The following PSG6 variants were observed in gnomAD, a reference collection of about 807,000 sequenced individuals.
The protein encoded by PSG6 is pregnancy-specific beta-1-glycoprotein 6.
A neutral mutation model predicts 43.3 loss-of-function variants in PSG6; 51 were observed. The ratio of observed to expected loss-of-function variants is 1.18; its 90% CI spans 0.94 to 1.49. PSG6 has a LOEUF of 1.49. Among genes scored for constraint, PSG6 ranks in the 40% most tolerant of loss-of-function variants. PSG6 has a pLI of 0.00. For missense variants in PSG6, 770 were observed against 522.2 expected (o/e 1.47, Z -4.62); for synonymous variants, 292 against 197.6 (o/e 1.48, Z -4.01).
At position 42,914,227 on chromosome 19, in the gene PSG6, G is replaced by A. The variant is rs1164573800; in HGVS notation, c.427+1898C>T. ...CCTGGGGACATTGGCTCGAGAGGAA[G>A]CCTGGCAGGAGTGGCAACTCCAGGT... On this transcript the variant is annotated intron_variant, in intron 2 of 5. Coordinates refer to ENST00000187910, the MANE Select transcript of PSG6 (RefSeq NM_001031850.4). Among the ~76,000 whole-genome samples, 4 of 151,354 alleles carry A rather than the reference G, an allele frequency of 2.6e-5. No homozygotes were observed. The East Asian group carries it at 7.8e-4, about 29-fold the overall frequency.
intron 5 of PSG6, among the ~76,000 whole-genome samples, chr19:42,906,113 C>T (rs368169402): frequency 6.6e-6 from 1 of 151,478 alleles, no homozygotes; most frequent in Non-Finnish European, 1.5e-5. Flanking sequence ...TGGCACTGCC[C>T]CTTTCCTGCC....
At position 42,916,456 on chromosome 19, in the gene PSG6, G is replaced by T. The variant is rs763752454; in HGVS notation, c.96C>A (p.Thr32=). The change falls in exon 2 of 6, where the codon ACC becomes ACA. Residue 32 remains threonine, a synonymous_variant. Coordinates refer to ENST00000187910, the MANE Select transcript of PSG6 (RefSeq NM_001031850.4). The stretch of plus-strand genomic sequence containing the variant: ...TGGCTTCAATTATTACTTGGGCAGT[G>T]GTGGGCAGGTTCCAGAAGTTTAAAA... ...ASLLNFWNLP[T]TAQVIIEAKP... 58 of 1,611,550 alleles carry T rather than the reference G, an allele frequency of 3.6e-5. 2 individuals carry two copies. Among genetic ancestry groups the T allele is most frequent in the Non-Finnish European group, 4.2e-5 (50 of 1,178,898 alleles).
Position 42,917,741 on chromosome 19 carries a change from G to T in PSG6, c.52C>A (p.Leu18Ile). ...PCTQHITWKG[L>I]LLTASLLNFW... ...GTCCTCTCCTCACCTGTGAGCAGGA[G>T]CCCCTTCCAGGTGATGTGCTGAGTG... The change falls in exon 1 of 6, where the codon CTC (leucine) becomes ATC (isoleucine). Residue 18 changes from leucine (L) to isoleucine (I), a missense_variant. Coordinates refer to ENST00000187910, the MANE Select transcript of PSG6 (RefSeq NM_001031850.4). 6.2e-7 allele frequency: 1 copy of T among 1,609,012 alleles called. No homozygotes were observed. The highest frequency in any genetic ancestry group is 1.7e-5 in the Admixed American group (1 of 59,720).
chr19:42,916,536 G>T (rs779429505), intron 1 of PSG6, 49 bp from the exon 2 acceptor site: 1 of 1,570,310 alleles, frequency 6.4e-7, no homozygotes, highest in Non-Finnish European at 8.6e-7. Context: ...ATGTATTGGG[G>T]TGAAAAGATG....
chr19:42,912,610 A>G (rs1600547165), intron 2 of PSG6, among the ~76,000 whole-genome samples: 1 of 151,864 alleles, frequency 6.6e-6, no homozygotes, highest in Non-Finnish European at 1.5e-5. Flanking sequence ...TAGTAAATAT[A>G]GAAAGAACCT....
At chr19:42,910,299 C>G in intron 3 of PSG6, 1 of 790,496 alleles carries the variant, frequency 1.3e-6, no homozygotes, top group South Asian at 1.9e-5. Context: ...CCAGCCAAAT[C>G]CCCGCTGTGT....
intron 2 of PSG6, among the ~76,000 whole-genome samples, chr19:42,914,833 C>G (rs184056716): frequency 1.1e-4 from 17 of 150,956 alleles, no homozygotes; most frequent in African/African-American, 3.4e-4. Context: ...AAACAAGGTC[C>G]TCTCCTTGAT....
rs143485228 is a variant in PSG6, at chr19:42,910,844, G to A, written c.442C>T (p.Pro148Ser). The stretch of plus-strand genomic sequence containing the variant: ...TTTAAGTTGCTGCTGGAGATGGAGG[G>A]CTTGGGAGTCTCCGCTGTGCAGAAA... ...TVTLYSETPK[P>S]SISSSNLNPR... The change falls in exon 3 of 6, where the codon CCC becomes TCC. Residue 148 changes from proline to serine, a missense_variant. Transcript: ENST00000187910. The A allele has an allele frequency of 1.0e-3, 1,621 of 1,610,432 alleles. 39 individuals carry two copies. In the African/African-American group the frequency reaches 0.018, roughly 17 times the overall value.
intron 3 of PSG6, among the ~76,000 whole-genome samples, chr19:42,908,484 G>C (rs1254132769): frequency 6.6e-6 from 1 of 151,748 alleles, no homozygotes; most frequent in Non-Finnish European, 1.5e-5. Context: ...ACTTGAACCA[G>C]TGACCTCTAA....
chr19:42,909,740 G>C (rs1318053516), intron 3 of PSG6: 3 of 151,778 alleles, frequency 2.0e-5, no homozygotes, highest in African/African-American at 7.2e-5. Context: ...ATTGTCTAAA[G>C]AATGATCTAG....
intron 5 of PSG6, among the ~76,000 whole-genome samples, 173 bp from the exon 6 acceptor site, chr19:42,902,619 A>G (rs1190016445): frequency 6.6e-6 from 1 of 150,618 alleles, no homozygotes; most frequent in Non-Finnish European, 1.5e-5. Flanking sequence ...CCTTGCAAAA[A>G]CTCTTAGAAC....
rs749015658 is a variant in PSG6, at chr19:42,917,766, G to A, written c.27C>T (p.Cys9=). The A allele has an allele frequency of 4.3e-6, 7 of 1,610,310 alleles. No homozygotes were observed. The East Asian group carries it at 6.7e-5, about 15-fold the overall frequency. Reference sequence around the variant, plus strand: ...GCCCCTTCCAGGTGATGTGCTGAGTGCAGGGAGGGGCTGAGAGGGGTCCCA... The same window carrying A: ...GCCCCTTCCAGGTGATGTGCTGAGTACAGGGAGGGGCTGAGAGGGGTCCCA... The part of the protein sequence containing the change: MGPLSAPP[C]TQHITWKGLL... Residue 9 remains cysteine, a synonymous_variant, in exon 1 of 6, where the codon TGC becomes TGT. Transcript: ENST00000187910.
intron 2 of PSG6, among the ~76,000 whole-genome samples, chr19:42,914,563 C>T (rs1972287434): frequency 6.7e-6 from 1 of 149,238 alleles, no homozygotes; most frequent in African/African-American, 2.5e-5. Flanking sequence ...CTCCGGTGGC[C>T]AAAGAACTTC....
Position 42,902,425 on chromosome 19 carries a change from G to A in PSG6, c.1262C>T (p.Thr421Ile). 2.5e-6 allele frequency: 4 copies of A among 1,611,252 alleles called. No homozygotes were observed. Among genetic ancestry groups the A allele is most frequent in the Non-Finnish European group, 3.4e-6 (4 of 1,178,414 alleles). ...KVSGPCHGNQ[T>I]ESH ...TTGTGGCAGCCATTAATGAGACTCT[G>A]TCTGGTTTCCATGGCAGGGACCTGA... Residue 421 changes from threonine to isoleucine, a missense_variant, in exon 6 of 6, where the codon ACA (threonine) becomes ATA (isoleucine). Physicochemically the swap from Thr to Ile is moderately conservative, Grantham distance 89. Transcript: ENST00000187910.
rs1326885757 is a variant in PSG6 at position 42,917,877 on chromosome 19, C to T, written c.-85G>A. 11 of 1,509,896 alleles carry T rather than the reference C, an allele frequency of 7.3e-6. 1 individual carries two copies. Among genetic ancestry groups the T allele is most frequent in the South Asian group, 2.5e-5 (2 of 79,906 alleles). 93.5% of individuals were successfully genotyped at this position (1,509,896 alleles called of 1,614,324 possible). ...TGAGCAGGGCTGTCAGGTGTGCTGT[C>T]CTTCCTCCTTCTGTGCTGAGCCTCT... On this transcript the variant is annotated 5_prime_UTR_variant, in exon 1 of 6. Coordinates refer to ENST00000187910, the MANE Select transcript of PSG6 (RefSeq NM_001031850.4).
rs1409814739 is a variant in PSG6 at position 42,916,337 on chromosome 19, A to T, written c.215T>A (p.Met72Lys). 6.2e-7 allele frequency: 1 copy of T among 1,612,028 alleles called. No homozygotes were observed. The highest frequency in any genetic ancestry group is 2.2e-5 in the East Asian group (1 of 44,788). Residue 72 changes from methionine (M) to lysine (K), a missense_variant, in exon 2 of 6, where the codon ATG (methionine) becomes AAG (lysine). Met to Lys is a moderately conservative substitution (Grantham distance 95). Coordinates refer to ENST00000187910, the MANE Select transcript of PSG6 (RefSeq NM_001031850.4). ...TGTAATGTAATGGTAGAGGTCCGTC[A>T]TTTGCCCTTTGTACCAGATGTAGCC... ...LTGYIWYKGQ[M>K]TDLYHYITSY...
rs1323219947 is a variant in PSG6, at chr19:42,902,311, G to A, written c.*101C>T. ...AAAATTATGAAAACATTATCCTTTTGATTATTTAGTCCAATAACATTGAGT... is the reference window on the plus strand; with the variant it reads ...AAAATTATGAAAACATTATCCTTTTAATTATTTAGTCCAATAACATTGAGT... On this transcript the variant is annotated 3_prime_UTR_variant, in exon 6 of 6. Transcript: ENST00000187910. The A allele has an allele frequency of 5.8e-5, 77 of 1,321,066 alleles. 2 individuals carry two copies. In the East Asian group the frequency reaches 1.8e-3, roughly 31 times the overall value. 81.8% of individuals were successfully genotyped at this position (1,321,066 alleles called of 1,614,324 possible). A position where few individuals can be genotyped will look rare whatever the true frequency, so the allele number is the denominator to read the frequency against.
intron 3 of PSG6, among the ~76,000 whole-genome samples, chr19:42,909,501 G>C (rs545360385): frequency 1.3e-5 from 2 of 151,478 alleles, no homozygotes; most frequent in Non-Finnish European, 2.9e-5. Context: ...AACTCAATTG[G>C]GTAGTATTGC....
At position 42,902,344 on chromosome 19, in the gene PSG6, T is replaced by C; in HGVS notation, c.*68A>G. ...AGTCCAATAACATTGAGTTTTTTTC[T>C]TCTTTGTCTTGAATTTCATGAAGGT... On this transcript the variant is annotated 3_prime_UTR_variant, in exon 6 of 6. Transcript: ENST00000187910. 8.3e-6 allele frequency: 13 copies of C among 1,566,964 alleles called. No individual in the cohort carries two copies. The highest frequency in any genetic ancestry group is 1.1e-5 in the Non-Finnish European group (13 of 1,149,956).
Sources: gnomAD v4.1 joint callset for allele counts (sites outside exome capture counted in the v4.1 genomes callset) on GRCh38, gnomAD v4.1.1 for gene constraint, MANE v1.5 for transcripts, NCBI Gene and HGNC (gene_info 2026-07-23, HGNC 2026-07-21) for gene names.